Variants in ITGA4 observed in about 807,000 individuals in gnomAD.
ITGA4 encodes the protein integrin subunit alpha 4.
Under a neutral mutation model 133.6 loss-of-function variants are expected in ITGA4, and 63 were observed. The ratio of observed to expected loss-of-function variants is 0.47; its 90% CI spans 0.38 to 0.58. The LOEUF (loss-of-function observed/expected upper bound fraction) is 0.58. ITGA4 is among the 20% of genes least tolerant of loss of function. ITGA4 has a pLI of 0.00. For missense variants in ITGA4, 1,076 were observed against 1,252.7 expected, an observed-to-expected ratio of 0.86 and a Z score of 2.13; for synonymous variants, 483 against 438.0, an observed-to-expected ratio of 1.10 and a Z score of -1.28.
chr2:181,521,599 A>G (rs1686721861), intron 17 of ITGA4, among the ~76,000 whole-genome samples: 1 of 152,212 alleles, frequency 6.6e-6, no homozygotes, highest in South Asian at 2.1e-4. Context: ...GCATTTCTCC[A>G]GTTCTGTTTT....
intron 2 of ITGA4, among the ~76,000 whole-genome samples, chr2:181,470,076 A>C (rs935418043): frequency 6.6e-6 from 1 of 152,152 alleles, no homozygotes; most frequent in African/African-American, 2.4e-5. Flanking sequence ...ATAAAAAAAA[A>C]AGATATAAAT....
intron 14 of ITGA4, 65 bp from the exon 15 acceptor site, chr2:181,498,558 C>T (rs1012521561): frequency 2.4e-5 from 24 of 1,020,056 alleles, no homozygotes; most frequent in African/African-American, 2.3e-4. Context: ...ACTATTATCA[C>T]TTCAAAAATA....
intron 22 of ITGA4, 152 bp from the exon 23 acceptor site, chr2:181,529,389 C>A: frequency 2.3e-6 from 1 of 431,110 alleles, no homozygotes; most frequent in Non-Finnish European, 4.1e-6. Flanking sequence ...TATGGATATC[C>A]TGTCTCCCTT....
In ITGA4 at chr2:181,498,800, A is replaced by G. The variant is rs748597798; in HGVS notation, c.1695+23A>G. Reference sequence around the variant, plus strand: ...CGGGTAATGTAAGCTATTTTTTATTAATGAATATGTGAACTTCAACGTTGT... The same window carrying G: ...CGGGTAATGTAAGCTATTTTTTATTGATGAATATGTGAACTTCAACGTTGT... On this transcript the variant is annotated intron_variant, in intron 15 of 27. Transcript: ENST00000397033. 2.1e-5 allele frequency: 33 copies of G among 1,570,344 alleles called. No individual in the cohort carries two copies. In the Admixed American group the frequency reaches 5.1e-4, roughly 24 times the overall value.
intron 17 of ITGA4, among the ~76,000 whole-genome samples, chr2:181,519,260 C>A (rs1322807155): frequency 6.6e-6 from 1 of 151,920 alleles, no homozygotes; most frequent in Non-Finnish European, 1.5e-5. Context: ...CAAAACCGAA[C>A]AAAACCAAGT....
chr2:181,480,182 T>C lies in ITGA4; in HGVS notation c.670T>C (p.Ser224Pro). 6.4e-7 allele frequency: 1 copy of C among 1,560,762 alleles called. No individual in the cohort carries two copies. The highest frequency in any genetic ancestry group is 8.7e-7 in the Non-Finnish European group (1 of 1,153,782). Residue 224 changes from serine to proline, a missense_variant, in exon 6 of 28, where the codon TCT (serine) becomes CCT (proline). Physicochemically the swap from Ser to Pro is moderately conservative, Grantham distance 74. This residue lies in a region of ITGA4 where 436 missense variants were observed against 590.7 expected (regional missense o/e 0.74). Transcript: ENST00000397033. ...GAPGSSYWTGSLFVYNITTNK... is the reference protein window; with the variant it reads ...GAPGSSYWTGPLFVYNITTNK... ...CCCAGGATCATCTTACTGGACTGGC[T>C]CTCTTTTTGTCTACAATATAACTAC...
Position 181,482,529 on chromosome 2 carries a change from G to A in ITGA4, c.919G>A (p.Gly307Arg), listed in dbSNP as rs777579199. 6.2e-7 allele frequency: 1 copy of A among 1,613,686 alleles called. No homozygotes were observed. Among genetic ancestry groups the A allele is most frequent in the Non-Finnish European group, 8.5e-7 (1 of 1,179,764 alleles). Residue 307 changes from glycine (G) to arginine (R), a missense_variant, in exon 9 of 28, where the codon GGA becomes AGA. Physicochemically the swap from Gly to Arg is moderately radical, Grantham distance 125. This residue lies in a region of ITGA4 where 436 missense variants were observed against 590.7 expected (regional missense o/e 0.74). Transcript: ENST00000397033. ...MKGKKLGSYFGASVCAVDLNA... is the reference protein window; with the variant it reads ...MKGKKLGSYFRASVCAVDLNA... ...TTTGGGACAGCTTGGATCGTACTTT[G>A]GAGCTTCTGTCTGTGCTGTGGACCT...
rs201809702 is a variant in ITGA4 at position 181,527,333 on chromosome 2, T to C, written c.2376T>C (p.Asn792=). 2.0e-5 allele frequency: 33 copies of C among 1,613,112 alleles called. No individual in the cohort carries two copies. The highest frequency in any genetic ancestry group is 2.7e-5 in the Non-Finnish European group (32 of 1,179,270). ...VNPTSFVYGS[N]DENEPETCMV... ...CAACTTCATTTGTGTATGGATCAAA[T>C]GATGAAAATGAGCCTGAAACGTGCA... is the stretch of plus-strand genomic sequence containing the variant. The change falls in exon 22 of 28, where the codon AAT becomes AAC. Residue 792 remains asparagine (N), a synonymous_variant. Transcript: ENST00000397033.
chr2:181,491,143 A>G (rs1686043601), intron 10 of ITGA4, among the ~76,000 whole-genome samples: 1 of 152,190 alleles, frequency 6.6e-6, no homozygotes, highest in Admixed American at 6.5e-5. Context: ...ATGGAAAAAA[A>G]TTTATCTGGG....
intron 25 of ITGA4, among the ~76,000 whole-genome samples, chr2:181,533,010 C>T (rs1042025948): frequency 1.3e-4 from 20 of 151,968 alleles, no homozygotes; most frequent in Non-Finnish European, 2.2e-4. Flanking sequence ...AAAACTAAGG[C>T]TTTCATAAAA....
chr2:181,482,525 C>G lies in ITGA4; in HGVS notation c.915C>G (p.Tyr305Ter). ...TTGTTTTGGGACAGCTTGGATCGTA[C>G]TTTGGAGCTTCTGTCTGTGCTGTGG... ...HEMKGKKLGS[Y>*]FGASVCAVDL... Residue 305 changes from tyrosine (Y) to a stop codon, truncating the protein, a stop_gained, in exon 9 of 28, where the codon TAC becomes TAG. Coordinates refer to ENST00000397033, the MANE Select transcript of ITGA4 (RefSeq NM_000885.6). LOFTEE classifies it high-confidence loss of function. 6.2e-7 allele frequency: 1 copy of G among 1,613,684 alleles called. No homozygotes were observed. Among genetic ancestry groups the G allele is most frequent in the Non-Finnish European group, 8.5e-7 (1 of 1,179,750 alleles).
chr2:181,533,065 A>T (rs1161877254), intron 25 of ITGA4, among the ~76,000 whole-genome samples: 3 of 152,236 alleles, frequency 2.0e-5, no homozygotes, highest in South Asian at 2.1e-4. Flanking sequence ...TTTAAATTTT[A>T]AAAATAATGA....
rs1248566042 is a variant in ITGA4 at position 181,504,102 on chromosome 2, A to C, written c.1695+5325A>C. 2.0e-5 allele frequency among the ~76,000 whole-genome samples: 3 copies of C among 152,196 alleles called. No homozygotes were observed. The East Asian group carries it at 5.8e-4, about 29-fold the overall frequency. On this transcript the variant is annotated intron_variant, in intron 15 of 27. Coordinates refer to ENST00000397033, the MANE Select transcript of ITGA4 (RefSeq NM_000885.6). The stretch of plus-strand genomic sequence containing the variant: ...GCTACATTGGGATAACAAAAGAAGC[A>C]ATGAGATTTCCTGTTTGTCTGCATT...
In ITGA4 at chr2:181,527,324, T is replaced by C; in HGVS notation, c.2367T>C (p.Tyr789=). Residue 789 remains tyrosine, a synonymous_variant, in exon 22 of 28, where the codon TAT becomes TAC. Coordinates refer to ENST00000397033, the MANE Select transcript of ITGA4 (RefSeq NM_000885.6). Reference sequence around the variant, plus strand: ...TTGTAAACCCAACTTCATTTGTGTATGGATCAAATGATGAAAATGAGCCTG... The same window carrying C: ...TTGTAAACCCAACTTCATTTGTGTACGGATCAAATGATGAAAATGAGCCTG... The part of the protein sequence containing the change: ...HGFVNPTSFV[Y]GSNDENEPET... 1 of 1,611,868 alleles carries C rather than the reference T, an allele frequency of 6.2e-7. No individual in the cohort carries two copies. The highest frequency in any genetic ancestry group is 1.1e-5 in the South Asian group (1 of 91,046).
In ITGA4 at chr2:181,458,113, G is replaced by A. The variant is rs561820256; in HGVS notation, c.198-83G>A. On this transcript the variant is annotated intron_variant, in intron 1 of 27. Coordinates refer to ENST00000397033, the MANE Select transcript of ITGA4 (RefSeq NM_000885.6). The stretch of plus-strand genomic sequence containing the variant: ...GAGGAGGTGGGGAAGCTGCCCTGCT[G>A]CGGACTGCACATCTGTGGCGACAGG... 3.8e-6 allele frequency: 6 copies of A among 1,584,386 alleles called. No individual in the cohort carries two copies. The South Asian group carries it at 5.6e-5, about 15-fold the overall frequency.
intron 21 of ITGA4, among the ~76,000 whole-genome samples, 186 bp downstream of exon 21, chr2:181,525,477 C>A (rs901464404): frequency 2.6e-5 from 4 of 152,152 alleles, no homozygotes; most frequent in Admixed American, 6.5e-5. Flanking sequence ...ACTCTATAAT[C>A]ATCACTGATA....
intron 17 of ITGA4, among the ~76,000 whole-genome samples, chr2:181,514,032 A>G (rs1686557783): frequency 6.6e-6 from 1 of 152,144 alleles, no homozygotes; most frequent in Admixed American, 6.6e-5. Flanking sequence ...TGAGAATGGA[A>G]CAAGATCCCA....
At chr2:181,488,651 C>T (rs1044053003) in intron 10 of ITGA4, among the ~76,000 whole-genome samples, 18 of 151,846 alleles carry the variant, frequency 1.2e-4, no homozygotes, top group Admixed American at 4.6e-4. Flanking sequence ...CTCTGACTCC[C>T]GGGTTCATGC....
Position 181,498,725 on chromosome 2 carries a change from T to C in ITGA4, c.1643T>C (p.Ile548Thr), listed in dbSNP as rs1686208051. 1.2e-6 allele frequency: 2 copies of C among 1,612,578 alleles called. No homozygotes were observed. Among genetic ancestry groups the C allele is most frequent in the Admixed American group, 1.7e-5 (1 of 59,860 alleles). The change falls in exon 15 of 28, where the codon ATA (isoleucine) becomes ACA (threonine). Residue 548 changes from isoleucine (I) to threonine (T), a missense_variant. Coordinates refer to ENST00000397033, the MANE Select transcript of ITGA4 (RefSeq NM_000885.6). ...ACTTCTGACGTGATTACAGGAAGCA[T>C]ACAGGTGTCCAGCAGAGAAGCTAAC... is the stretch of plus-strand genomic sequence containing the variant. ...NGTSDVITGS[I>T]QVSSREANCR...
Sources: allele counts gnomAD v4.1 joint callset (sites outside exome capture counted in the v4.1 genomes callset), GRCh38; gene constraint gnomAD v4.1.1; regional missense constraint gnomAD v4.1.1; transcripts MANE v1.5; gene names NCBI Gene and HGNC (gene_info 2026-07-23, HGNC 2026-07-21).